The following SYNE3 variants were observed in gnomAD, a reference collection of about 807,000 sequenced individuals.
The protein encoded by SYNE3 is spectrin repeat containing nuclear envelope family member 3, also known as nesprin-3.
In SYNE3, 100 loss-of-function variants were observed where a neutral mutation model predicts 111.2. The ratio of observed to expected loss-of-function variants is 0.90; its 90% CI spans 0.77 to 1.06. The LOEUF (loss-of-function observed/expected upper bound fraction) is 1.06. SYNE3 is among the 50% of genes least tolerant of loss of function. SYNE3 has a pLI of 0.00. For missense variants in SYNE3, 1,160 were observed against 1,240.3 expected (o/e 0.94, Z 0.97); for synonymous variants, 547 against 533.9 (o/e 1.02, Z -0.34).
At chr14:95,474,342 G>A (rs1888747756) in intron 2 of SYNE3, among the ~76,000 whole-genome samples, 1 of 152,222 alleles carries the variant, frequency 6.6e-6, no homozygotes, top group Non-Finnish European at 1.5e-5. Flanking sequence ...CCTCATACAT[G>A]CTTGTGCAGT....
chr14:95,513,737 T>TATATATATATA (rs1480614847), intron 1 of SYNE3, among the ~76,000 whole-genome samples: 12 of 92,500 alleles, frequency 1.3e-4, no homozygotes, highest in African/African-American at 3.3e-4. Context: ...GCTGCTTAGA[T>TATATATATATA]TATATATATA....
intron 1 of SYNE3, among the ~76,000 whole-genome samples, chr14:95,479,380 T>A (rs904712375): frequency 6.6e-6 from 1 of 151,822 alleles, no homozygotes. Context: ...TAAATAAAAA[T>A]TTAAAAAAAT....
intron 17 of SYNE3, among the ~76,000 whole-genome samples, chr14:95,423,110 C>T (rs1319645773): frequency 2.0e-5 from 3 of 152,228 alleles, no homozygotes. Flanking sequence ...CGTCTTGCCT[C>T]CTCACTGGGG....
At chr14:95,490,077 G>A (rs746461276) in intron 1 of SYNE3, among the ~76,000 whole-genome samples, 1 of 152,212 alleles carries the variant, frequency 6.6e-6, no homozygotes, top group Non-Finnish European at 1.5e-5. Context: ...AGACGAGTGA[G>A]CTTTAAGTTG....
intron 8 of SYNE3, among the ~76,000 whole-genome samples, chr14:95,448,605 T>C (rs1401310035): frequency 6.6e-6 from 1 of 152,186 alleles, no homozygotes; most frequent in Non-Finnish European, 1.5e-5. Context: ...GGAGAATCTC[T>C]TGAACCCGGG....
rs1349364469 is a variant in SYNE3 at position 95,485,182 on chromosome 14, T to C, written c.-14-9347A>G. The stretch of plus-strand genomic sequence containing the variant: ...GAGGGCGGTTGGGGCTGGGTCCTAT[T>C]AGCTTTGAGTCAATGTAGGCCAAGA... On this transcript the variant is annotated intron_variant, in intron 1 of 17. Transcript: ENST00000682763. This position sits in a 1 kb window ranked among gnomAD's most constrained non-coding sequence, Gnocchi z 4.3. Among the ~76,000 whole-genome samples the C allele has an allele frequency of 6.6e-6, 1 of 152,172 alleles. No individual in the cohort carries two copies. Among genetic ancestry groups the C allele is most frequent in the African/African-American group, 2.4e-5 (1 of 41,432 alleles).
intron 1 of SYNE3, among the ~76,000 whole-genome samples, chr14:95,490,288 C>T (rs1889785217): frequency 6.6e-6 from 1 of 152,212 alleles, no homozygotes; most frequent in South Asian, 2.1e-4. Flanking sequence ...TAGCCATGGG[C>T]TATAACCGAT....
chr14:95,467,715 T>C (rs1364244038), intron 3 of SYNE3, 80 bp downstream of exon 3: 1 of 1,545,734 alleles, frequency 6.5e-7, no homozygotes. Flanking sequence ...AAATGTCTCT[T>C]GGGCAGAGGG....
chr14:95,482,287 A>G (rs997072314), intron 1 of SYNE3, among the ~76,000 whole-genome samples: 1 of 152,178 alleles, frequency 6.6e-6, no homozygotes. Flanking sequence ...TACAAAAATT[A>G]GCCAGGCGTG....
rs137958003 is a variant in SYNE3 at position 95,500,177 on chromosome 14, C to T, written c.-15+16419G>A. Among the ~76,000 whole-genome samples, 662 of 152,220 alleles carry T rather than the reference C, an allele frequency of 4.3e-3. 6 individuals are homozygous for T. Among genetic ancestry groups the T allele is most frequent in the African/African-American group, 0.015 (610 of 41,536 alleles). The stretch of plus-strand genomic sequence containing the variant: ...GCCCGGCCTACCTCCTGTCTTATAT[C>T]TGAGATATCCAGAGGACCCTTGAGA... On this transcript the variant is annotated intron_variant, in intron 1 of 17. Coordinates refer to ENST00000682763, the MANE Select transcript of SYNE3 (RefSeq NM_152592.6). The surrounding 1 kb of genome is among the most constrained non-coding windows in gnomAD (Gnocchi z 4.7).
At chr14:95,442,591 T>C (rs1886469339) in intron 11 of SYNE3, among the ~76,000 whole-genome samples, 2 of 152,168 alleles carry the variant, frequency 1.3e-5, no homozygotes, top group Non-Finnish European at 2.9e-5. Context: ...GGAGTCTGCA[T>C]TTCCACTTGT....
rs902147702 is a variant in SYNE3, at chr14:95,415,341, C to T, written c.*2485G>A. ...GGACTGGACATCTGGGCTTGGCTGC[C>T]TGGGCTCACTCAGCTCCTGATTTTC... is the stretch of plus-strand genomic sequence containing the variant. On this transcript the variant is annotated 3_prime_UTR_variant, in exon 18 of 18. Coordinates refer to ENST00000682763, the MANE Select transcript of SYNE3 (RefSeq NM_152592.6). 2 of 137,070 alleles carry T rather than the reference C, an allele frequency of 1.5e-5. No individual in the cohort carries two copies. Among genetic ancestry groups the T allele is most frequent in the Admixed American group, 8.1e-5 (1 of 12,304 alleles). The allele number at this position is 137,070 out of a possible 1,614,324, so 8.5% of individuals were successfully genotyped here.
chr14:95,514,724 A>G (rs1361973980), intron 1 of SYNE3, among the ~76,000 whole-genome samples: 4 of 152,220 alleles, frequency 2.6e-5, no homozygotes, highest in African/African-American at 9.6e-5. Context: ...GACTCAGGCA[A>G]TCCAACTTGA....
At chr14:95,501,351 G>T (rs1464614382) in intron 1 of SYNE3, among the ~76,000 whole-genome samples, 1 of 152,176 alleles carries the variant, frequency 6.6e-6, no homozygotes, top group Admixed American at 6.5e-5. Flanking sequence ...CTACCTGACT[G>T]CCCAGGACCG....
chr14:95,456,658 G>T (rs1438732571), intron 5 of SYNE3, among the ~76,000 whole-genome samples: 1 of 152,144 alleles, frequency 6.6e-6, no homozygotes, highest in Non-Finnish European at 1.5e-5. Flanking sequence ...CAAATGCTCT[G>T]CTGGCCAGGG....
intron 1 of SYNE3, among the ~76,000 whole-genome samples, chr14:95,504,734 A>G (rs1041162068): frequency 1.3e-5 from 2 of 152,190 alleles, no homozygotes; most frequent in African/African-American, 4.8e-5. Flanking sequence ...TAATGCCAGC[A>G]CTTTGAGAGG....
rs1889482321 is a variant in SYNE3, at chr14:95,485,245, T to G, written c.-14-9410A>C. Among the ~76,000 whole-genome samples, 1 of 152,168 alleles carries G rather than the reference T, an allele frequency of 6.6e-6. No individual in the cohort carries two copies. On this transcript the variant is annotated intron_variant, in intron 1 of 17. Coordinates refer to ENST00000682763, the MANE Select transcript of SYNE3 (RefSeq NM_152592.6). This position sits in a 1 kb window ranked among gnomAD's most constrained non-coding sequence, Gnocchi z 4.3. ...AAGCAATGAAACTGCAAAGAACCCCTGCCCTTCTTGCCTCAACTGCATCAG... is the reference window on the plus strand; with the variant it reads ...AAGCAATGAAACTGCAAAGAACCCCGGCCCTTCTTGCCTCAACTGCATCAG...
At chr14:95,432,357 A>G (rs1334173901) in intron 16 of SYNE3, among the ~76,000 whole-genome samples, 2 of 152,164 alleles carry the variant, frequency 1.3e-5, no homozygotes, top group Non-Finnish European at 2.9e-5. Context: ...GGCGGGGGCC[A>G]TGGCCAACCT....
In SYNE3 at chr14:95,411,955, T is replaced by C. The variant is rs1237544510; in HGVS notation, c.*5871A>G. ...TTTTACCAGGAAGACAGACTAATAATTGGGCTAGTAATGGACACGACAATC... is the reference window on the plus strand; with the variant it reads ...TTTTACCAGGAAGACAGACTAATAACTGGGCTAGTAATGGACACGACAATC... On this transcript the variant is annotated 3_prime_UTR_variant, in exon 18 of 18. Coordinates refer to ENST00000682763, the MANE Select transcript of SYNE3 (RefSeq NM_152592.6). The C allele has an allele frequency of 6.6e-6, 1 of 152,308 alleles. No homozygotes were observed. 9.4% of individuals were successfully genotyped at this position (152,308 alleles called of 1,614,324 possible).
Sources: allele counts gnomAD v4.1 joint callset (sites outside exome capture counted in the v4.1 genomes callset), GRCh38; gene constraint gnomAD v4.1.1; non-coding constraint Gnocchi (gnomAD v3.1); transcripts MANE v1.5; gene names NCBI Gene and HGNC (gene_info 2026-07-23, HGNC 2026-07-21).